RAB42: variants seen among roughly 807,000 people sequenced by gnomAD.
RAB42 encodes the protein RAB42, member RAS oncogene family.
Under a neutral mutation model 7.5 loss-of-function variants are expected in RAB42, and 4 were observed. The ratio of observed to expected loss-of-function variants is 0.53; its 90% CI spans 0.26 to 1.22. The LOEUF is 1.22. Among genes scored for constraint, RAB42 ranks in the 50% most tolerant of loss-of-function variants. The probability of loss-of-function intolerance (pLI) is 0.13; values close to 1 mark genes in which losing one functional copy is unlikely to be tolerated. For missense variants in RAB42, 208 were observed against 281.2 expected (o/e 0.74, Z 1.86); for synonymous variants, 82 against 129.0 (o/e 0.64, Z 2.47).
Position 28,592,404 on chromosome 1 carries a change from G to A in RAB42, c.-108G>A, listed in dbSNP as rs1157514884. On this transcript the variant is annotated 5_prime_UTR_variant, in exon 1 of 2. Coordinates refer to ENST00000465518, the MANE Select transcript of RAB42 (RefSeq NM_001193532.3). This position sits in a 1 kb window ranked among gnomAD's most constrained non-coding sequence, Gnocchi z 4.1. ...ACGCCCTCGGTGCCCCGCCGGGTAC[G>A]GTGGCTGGGCGCGGGGAGCGGGGGG... 2 of 391,950 alleles carry A rather than the reference G, an allele frequency of 5.1e-6. No homozygotes were observed. Among genetic ancestry groups the A allele is most frequent in the East Asian group, 9.8e-5 (1 of 10,238 alleles). The allele number at this position is 391,950 out of a possible 1,614,324, so 24.3% of individuals were successfully genotyped here.
rs1260717097 is a variant in RAB42, at chr1:28,592,583, G to A, written c.72G>A (p.Ser24=). The A allele has an allele frequency of 3.3e-6, 4 of 1,219,228 alleles. No individual in the cohort carries two copies. The highest frequency in any genetic ancestry group is 4.1e-6 in the Non-Finnish European group (4 of 979,938). The allele number at this position is 1,219,228 out of a possible 1,614,324, so 75.5% of individuals were successfully genotyped here. A position where few individuals can be genotyped will look rare whatever the true frequency, so the allele number is the denominator to read the frequency against. The change falls in exon 1 of 2, where the codon TCG becomes TCA. Residue 24 remains serine, a synonymous_variant. Transcript: ENST00000465518. The surrounding 1 kb of genome is among the most constrained non-coding windows in gnomAD (Gnocchi z 4.1). ...GGGACGCGGCGGTGGGCAAGACGTC[G>A]CTGCTGCGGAGCTACGTGGCAGGCG... The part of the protein sequence containing the change: ...LLGDAAVGKT[S]LLRSYVAGAP...
chr1:28,593,935 T>C lies in RAB42; in HGVS notation c.475T>C (p.Ser159Pro), dbSNP rs770193273. 5.0e-6 allele frequency: 8 copies of C among 1,613,692 alleles called. No individual in the cohort carries two copies. In the African/African-American group the frequency reaches 1.1e-4, roughly 22 times the overall value. ...ASLGMAFVET[S>P]VKNNCNVDLA... is the part of the protein sequence containing the mutation. ...CCTGGGCATGGCCTTCGTGGAGACCTCGGTTAAAAACAACTGCAATGTGGA... is the reference window on the plus strand; with the variant it reads ...CCTGGGCATGGCCTTCGTGGAGACCCCGGTTAAAAACAACTGCAATGTGGA... Residue 159 changes from serine (S) to proline (P), a missense_variant, in exon 2 of 2, where the codon TCG becomes CCG. By Grantham distance (74) the Ser-to-Pro change is moderately conservative. Coordinates refer to ENST00000465518, the MANE Select transcript of RAB42 (RefSeq NM_001193532.3).
intron 1 of RAB42, 82 bp from the exon 2 acceptor site, chr1:28,593,611 AG>A: frequency 2.1e-6 from 3 of 1,399,404 alleles, no homozygotes; most frequent in African/African-American, 2.9e-5. Context: ...TGTGGATCCC[AG>A]GGGGAGGAGG....
chr1:28,593,544 C>T (rs1329966159), intron 1 of RAB42, 150 bp from the exon 2 acceptor site: 3 of 899,538 alleles, frequency 3.3e-6, no homozygotes, highest in South Asian at 1.8e-5. Flanking sequence ...ACACAGACAC[C>T]GAGGCAGAGA....
chr1:28,592,267 A>C lies in RAB42; in HGVS notation c.-245A>C, dbSNP rs879335786. The C allele has an allele frequency of 5.8e-6, 1 of 173,184 alleles. No individual in the cohort carries two copies. The highest frequency in any genetic ancestry group is 1.2e-5 in the Non-Finnish European group (1 of 82,492). 10.7% of individuals were successfully genotyped at this position (173,184 alleles called of 1,614,324 possible). Reference sequence around the variant, plus strand: ...CCCCATGCCCCTCCTCACTTCATCTAGTTTAGTCCCTTTATCCTGTGAAGT... The same window carrying C: ...CCCCATGCCCCTCCTCACTTCATCTCGTTTAGTCCCTTTATCCTGTGAAGT... On this transcript the variant is annotated 5_prime_UTR_variant, in exon 1 of 2. Coordinates refer to ENST00000465518, the MANE Select transcript of RAB42 (RefSeq NM_001193532.3). This position sits in a 1 kb window ranked among gnomAD's most constrained non-coding sequence, Gnocchi z 4.1.
Position 28,594,267 on chromosome 1 carries a change from C to T in RAB42, c.*150C>T, listed in dbSNP as rs535912037. On this transcript the variant is annotated 3_prime_UTR_variant, in exon 2 of 2. Coordinates refer to ENST00000465518, the MANE Select transcript of RAB42 (RefSeq NM_001193532.3). The stretch of plus-strand genomic sequence containing the variant: ...TGCTTCCTGGATTTTGGAGTCGAGG[C>T]TTTCTACAGAAAAGAAAGTTCTGAT... 1 of 841,914 alleles carries T rather than the reference C, an allele frequency of 1.2e-6. No individual in the cohort carries two copies. The highest frequency in any genetic ancestry group is 2.2e-5 in the South Asian group (1 of 46,330). The allele number at this position is 841,914 out of a possible 1,614,324, so 52.2% of individuals were successfully genotyped here.
chr1:28,593,459 G>A (rs915520720), intron 1 of RAB42, among the ~76,000 whole-genome samples: 8 of 152,136 alleles, frequency 5.3e-5, no homozygotes, highest in Admixed American at 2.0e-4. Flanking sequence ...ACATCCACCC[G>A]CCTCGGCCTC....
In RAB42 at chr1:28,592,628, G is replaced by GGAGCCC. The variant is rs1209433992; in HGVS notation, c.130_135dup (p.Glu44_Pro45dup). The stretch of plus-strand genomic sequence containing the variant: ...CAGGCGCGCCTGGCGCCCCGGAGCC[G>GGAGCCC]GAGCCCGAGCCCGAGCCCACGGTGG... On this transcript the variant is annotated inframe_insertion, in exon 1 of 2. Coordinates refer to ENST00000465518, the MANE Select transcript of RAB42 (RefSeq NM_001193532.3). The surrounding 1 kb of genome is among the most constrained non-coding windows in gnomAD (Gnocchi z 4.1). 1.9e-4 allele frequency: 238 copies of GGAGCCC among 1,224,078 alleles called. No individual in the cohort carries two copies. The highest frequency in any genetic ancestry group is 5.0e-4 in the African/African-American group (32 of 63,984). The allele number at this position is 1,224,078 out of a possible 1,614,324, so 75.8% of individuals were successfully genotyped here. A position where few individuals can be genotyped will look rare whatever the true frequency, so the allele number is the denominator to read the frequency against.
Position 28,593,791 on chromosome 1 carries a change from C to T in RAB42, c.331C>T (p.Gln111Ter), listed in dbSNP as rs1666372269. 1 of 1,555,178 alleles carries T rather than the reference C, an allele frequency of 6.4e-7. No individual in the cohort carries two copies. Residue 111 changes from glutamine (Q) to a stop codon, truncating the protein, a stop_gained, in exon 2 of 2, where the codon CAG becomes TAG. Coordinates refer to ENST00000465518, the MANE Select transcript of RAB42 (RefSeq NM_001193532.3). LOFTEE classifies it low-confidence loss of function (END_TRUNC). ...CTTTGAACACATCCAAGACTGGCACCAGGAGGTCATGGCCACTCAGGGCCC... is the reference window on the plus strand; with the variant it reads ...CTTTGAACACATCCAAGACTGGCACTAGGAGGTCATGGCCACTCAGGGCCC... Reference protein sequence around the residue: ...KSFEHIQDWHQEVMATQGPDK... With the variant: ...KSFEHIQDWH
At position 28,593,976 on chromosome 1, in the gene RAB42, C is replaced by T; in HGVS notation, c.516C>T (p.Thr172=). ...GCAATGTGGACCTGGCCTTTGACAC[C>T]CTCGCTGATGCTATCCAGCAGGCCC... ...NNCNVDLAFD[T]LADAIQQALQ... is the part of the protein sequence containing the mutation. Residue 172 remains threonine, a synonymous_variant, in exon 2 of 2, where the codon ACC becomes ACT. Transcript: ENST00000465518. 4 of 1,613,884 alleles carry T rather than the reference C, an allele frequency of 2.5e-6. No homozygotes were observed. Among genetic ancestry groups the T allele is most frequent in the Non-Finnish European group, 3.4e-6 (4 of 1,179,872 alleles).
chr1:28,595,854 C>T (rs896670922), downstream of RAB42, among the ~76,000 whole-genome samples: 12 of 151,978 alleles, frequency 7.9e-5, no homozygotes, highest in Non-Finnish European at 2.9e-5. Context: ...TGCAGCGAGC[C>T]ACGATCCCGC....
Position 28,592,630 on chromosome 1 carries a change from A to T in RAB42, c.119A>T (p.Glu40Val). The stretch of plus-strand genomic sequence containing the variant: ...GGCGCGCCTGGCGCCCCGGAGCCGG[A>T]GCCCGAGCCCGAGCCCACGGTGGGC... ...VAGAPGAPEP[E>V]PEPEPTVGAE... The change falls in exon 1 of 2, where the codon GAG becomes GTG. Residue 40 changes from glutamate (E) to valine (V), a missense_variant. Transcript: ENST00000465518. The surrounding 1 kb of genome is among the most constrained non-coding windows in gnomAD (Gnocchi z 4.1). 8.2e-7 allele frequency: 1 copy of T among 1,224,110 alleles called. No homozygotes were observed. Among genetic ancestry groups the T allele is most frequent in the Non-Finnish European group, 1.0e-6 (1 of 982,912 alleles). The allele number at this position is 1,224,110 out of a possible 1,614,324, so 75.8% of individuals were successfully genotyped here.
At chr1:28,595,602 T>C (rs1666420390), downstream of RAB42, among the ~76,000 whole-genome samples, 1 of 152,192 alleles carries the variant, frequency 6.6e-6, no homozygotes, top group Non-Finnish European at 1.5e-5. Flanking sequence ...ATCATTGTGC[T>C]GTAGCAAAAA....
chr1:28,592,656 G>C lies in RAB42; in HGVS notation c.145G>C (p.Ala49Pro), dbSNP rs1236143411. The C allele has an allele frequency of 8.1e-7, 1 of 1,227,330 alleles. No individual in the cohort carries two copies. The highest frequency in any genetic ancestry group is 4.3e-5 in the Admixed American group (1 of 23,510). 76.0% of individuals were successfully genotyped at this position (1,227,330 alleles called of 1,614,324 possible). ...PEPEPEPTVG[A>P]ECYRRALQLR... Reference sequence around the variant, plus strand: ...GCCCGAGCCCGAGCCCACGGTGGGCGCCGAGTGCTACCGCCGCGCGCTGCA... The same window carrying C: ...GCCCGAGCCCGAGCCCACGGTGGGCCCCGAGTGCTACCGCCGCGCGCTGCA... Residue 49 changes from alanine (A) to proline (P), a missense_variant, in exon 1 of 2, where the codon GCC becomes CCC. By Grantham distance (27) the Ala-to-Pro change is conservative (BLOSUM62 -1). Coordinates refer to ENST00000465518, the MANE Select transcript of RAB42 (RefSeq NM_001193532.3). The surrounding 1 kb of genome is among the most constrained non-coding windows in gnomAD (Gnocchi z 4.1).
At position 28,594,030 on chromosome 1, in the gene RAB42, G is replaced by C. The variant is rs748662385; in HGVS notation, c.570G>C (p.Glu190Asp). ...ALQQGDIKLEEGWGGVRLIHK... is the reference protein window; with the variant it reads ...ALQQGDIKLEDGWGGVRLIHK... ...AGCAGGGGGACATCAAGCTAGAAGAGGGCTGGGGGGGTGTCCGGCTCATCC... is the reference window on the plus strand; with the variant it reads ...AGCAGGGGGACATCAAGCTAGAAGACGGCTGGGGGGGTGTCCGGCTCATCC... The change falls in exon 2 of 2, where the codon GAG becomes GAC. Residue 190 changes from glutamate to aspartate, a missense_variant. By Grantham distance (45) the Glu-to-Asp change is conservative. Transcript: ENST00000465518. 6.8e-6 allele frequency: 11 copies of C among 1,613,776 alleles called. No individual in the cohort carries two copies. The South Asian group carries it at 1.2e-4, about 18-fold the overall frequency.
chr1:28,596,312 C>A (rs1666432572), downstream of RAB42, among the ~76,000 whole-genome samples: 1 of 152,138 alleles, frequency 6.6e-6, no homozygotes, highest in South Asian at 2.1e-4. Flanking sequence ...AATGTTAAAT[C>A]TTATTCATTC....
At chr1:28,593,073 G>A (rs1666354879) in intron 1 of RAB42, among the ~76,000 whole-genome samples, 1 of 152,294 alleles carries the variant, frequency 6.6e-6, no homozygotes, top group South Asian at 2.1e-4. Flanking sequence ...GGAAGGGAGA[G>A]AGGATCAGCA....
chr1:28,592,508 G>A lies in RAB42; in HGVS notation c.-4G>A. On this transcript the variant is annotated 5_prime_UTR_variant, in exon 1 of 2. Transcript: ENST00000465518. This position sits in a 1 kb window ranked among gnomAD's most constrained non-coding sequence, Gnocchi z 4.1. ...CGCGGGGCGGCGGGGTGGCGGACGC[G>A]GCCATGGAGGCCGAGGGCTGCCGCT... 8.3e-7 allele frequency: 1 copy of A among 1,200,376 alleles called. No homozygotes were observed. Among genetic ancestry groups the A allele is most frequent in the African/African-American group, 1.6e-5 (1 of 63,152 alleles). 74.4% of individuals were successfully genotyped at this position (1,200,376 alleles called of 1,614,324 possible).
At chr1:28,596,596 T>C (rs560268325), downstream of RAB42, among the ~76,000 whole-genome samples, 6 of 152,294 alleles carry the variant, frequency 3.9e-5, no homozygotes, top group South Asian at 1.2e-3. Context: ...CACTCCAGCC[T>C]GGGCGATAGA....
Sources: gnomAD v4.1 joint callset for allele counts (sites outside exome capture counted in the v4.1 genomes callset) on GRCh38, gnomAD v4.1.1 for gene constraint, Gnocchi (gnomAD v3.1) non-coding constraint, MANE v1.5 for transcripts, NCBI Gene and HGNC (gene_info 2026-07-23, HGNC 2026-07-21) for gene names.